The following RBM28 variants were observed in gnomAD, a reference collection of about 807,000 sequenced individuals.
RBM28 encodes the protein RNA-binding protein 28.
A neutral mutation model predicts 98.3 loss-of-function variants in RBM28; 78 were observed. That is an observed-to-expected ratio of 0.79 (90% CI 0.66 to 0.96). The LOEUF (loss-of-function observed/expected upper bound fraction) is 0.96. Among genes scored for constraint, RBM28 ranks in the 40% least tolerant of loss-of-function variants. The probability of loss-of-function intolerance (pLI) is 0.00; values close to 1 mark genes in which losing one functional copy is unlikely to be tolerated. For synonymous variants in RBM28, 306 were observed against 330.9 expected (o/e 0.92, Z 0.82); for missense variants, 838 against 913.0 (o/e 0.92, Z 1.06).
intron 17 of RBM28, 139 bp from the exon 18 acceptor site, chr7:128,313,413 A>G: frequency 1.2e-6 from 1 of 847,726 alleles, no homozygotes; most frequent in Non-Finnish European, 2.0e-6. Context: ...GACCCTCTGA[A>G]AGCTCAACAT....
intron 10 of RBM28, among the ~76,000 whole-genome samples, chr7:128,329,807 T>C (rs908585515): frequency 7.1e-6 from 1 of 141,132 alleles, no homozygotes; most frequent in African/African-American, 2.7e-5. Flanking sequence ...GAGAATGGCG[T>C]GAACCCAGGA....
rs1445007187 is a variant in RBM28, at chr7:128,305,162, A to G, written c.*5635T>C. ...GCAACAAGAATGAAACTCTGTCTCA[A>G]AAAAAAAAAAAAAAAAAGAAAGTTC... is the stretch of plus-strand genomic sequence containing the variant. On this transcript the variant is annotated 3_prime_UTR_variant, in exon 19 of 19. Transcript: ENST00000223073. 1.8e-5 allele frequency: 1 copy of G among 56,492 alleles called. No individual in the cohort carries two copies. Among genetic ancestry groups the G allele is most frequent in the African/African-American group, 4.7e-5 (1 of 21,228 alleles). 3.5% of individuals were successfully genotyped at this position (56,492 alleles called of 1,614,324 possible). A position where few individuals can be genotyped will look rare whatever the true frequency, so the allele number is the denominator to read the frequency against.
In RBM28 at chr7:128,306,231, C is replaced by T. The variant is rs564300890; in HGVS notation, c.*4566G>A. The T allele has an allele frequency of 8.5e-5, 13 of 152,366 alleles. No individual in the cohort carries two copies. Among genetic ancestry groups the T allele is most frequent in the African/African-American group, 2.9e-4 (12 of 41,564 alleles). The allele number at this position is 152,366 out of a possible 1,614,324, so 9.4% of individuals were successfully genotyped here. A position where few individuals can be genotyped will look rare whatever the true frequency, so the allele number is the denominator to read the frequency against. On this transcript the variant is annotated 3_prime_UTR_variant, in exon 19 of 19. Transcript: ENST00000223073. The stretch of plus-strand genomic sequence containing the variant: ...GGAGATGTTGGGCCTTGAGCCAGAA[C>T]TTGAGTGCTGGATAACACTTGAGTG...
rs749883076 is a variant in RBM28, at chr7:128,325,779, G to A, written c.1203+39C>T. The A allele has an allele frequency of 1.5e-5, 22 of 1,494,530 alleles. No homozygotes were observed. The East Asian group carries it at 5.0e-4, about 34-fold the overall frequency. 92.6% of individuals were successfully genotyped at this position (1,494,530 alleles called of 1,614,324 possible). On this transcript the variant is annotated intron_variant, in intron 11 of 18. Coordinates refer to ENST00000223073, the MANE Select transcript of RBM28 (RefSeq NM_018077.3). Reference sequence around the variant, plus strand: ...AGATGTTGCCCCTAAGAGCCAAACTGCCTCCTGTGTTATAAGGTAAAGGAA... The same window carrying A: ...AGATGTTGCCCCTAAGAGCCAAACTACCTCCTGTGTTATAAGGTAAAGGAA...
At chr7:128,322,514 A>G (rs924997250) in intron 13 of RBM28, among the ~76,000 whole-genome samples, 3 of 152,344 alleles carry the variant, frequency 2.0e-5, no homozygotes, top group African/African-American at 7.2e-5. Context: ...GAAAACGACT[A>G]TTAAAGGAAC....
At chr7:128,319,212 A>G (rs2116334959) in intron 14 of RBM28, among the ~76,000 whole-genome samples, 1 of 152,326 alleles carries the variant, frequency 6.6e-6, no homozygotes. Flanking sequence ...TAGAACTGTC[A>G]TACACTGTAA....
In RBM28 at chr7:128,325,853, G is replaced by T. The variant is rs1451134384; in HGVS notation, c.1168C>A (p.Gln390Lys). The stretch of plus-strand genomic sequence containing the variant: ...GGAGAAGCAGCTAGAAGGCATTTCT[G>T]AGCTGCTTCTTGAGTCATGAACTGG... ...FAQFMTQEAA[Q>K]KCLLAASPEN... The change falls in exon 11 of 19, where the codon CAG (glutamine) becomes AAG (lysine). Residue 390 changes from glutamine to lysine, a missense_variant. Coordinates refer to ENST00000223073, the MANE Select transcript of RBM28 (RefSeq NM_018077.3). 6.2e-7 allele frequency: 1 copy of T among 1,613,556 alleles called. No homozygotes were observed. The highest frequency in any genetic ancestry group is 1.7e-5 in the Admixed American group (1 of 60,000).
intron 9 of RBM28, 145 bp from the exon 10 acceptor site, chr7:128,331,073 T>C (rs1048475430): frequency 2.9e-6 from 2 of 682,066 alleles, no homozygotes; most frequent in Admixed American, 2.2e-5. Flanking sequence ...CAGTGACCCT[T>C]GGCCCCAACT....
intron 17 of RBM28, 109 bp from the exon 18 acceptor site, chr7:128,313,383 T>C: frequency 9.6e-7 from 1 of 1,046,862 alleles, no homozygotes; most frequent in South Asian, 1.3e-5. Flanking sequence ...GAAGTCATTC[T>C]AAAAAGGGAT....
chr7:128,324,533 A>G, intron 12 of RBM28, 26 bp downstream of exon 12: 2 of 1,614,148 alleles, frequency 1.2e-6, no homozygotes, highest in Non-Finnish European at 1.7e-6. Flanking sequence ...GGTACTTAGA[A>G]GTGTGGGTTA....
chr7:128,311,478 C>G (rs1425827737), intron 18 of RBM28, among the ~76,000 whole-genome samples: 2 of 152,152 alleles, frequency 1.3e-5, no homozygotes, highest in African/African-American at 4.8e-5. Flanking sequence ...CTAAAAGGAA[C>G]TAAGGCTCCT....
intron 11 of RBM28, 75 bp from the exon 12 acceptor site, chr7:128,324,769 T>G: frequency 6.2e-7 from 1 of 1,601,414 alleles, no homozygotes; most frequent in Non-Finnish European, 8.5e-7. Flanking sequence ...AACCGAGCAC[T>G]TTGGGAGGCT....
chr7:128,323,856 T>G (rs541835788), intron 12 of RBM28, among the ~76,000 whole-genome samples: 1 of 152,336 alleles, frequency 6.6e-6, no homozygotes, highest in East Asian at 1.9e-4. Context: ...TTCACGTACA[T>G]GCCCAAAGTC....
chr7:128,332,571 T>G (rs1562956842), intron 9 of RBM28, among the ~76,000 whole-genome samples: 1 of 152,050 alleles, frequency 6.6e-6, no homozygotes, highest in African/African-American at 2.4e-5. Context: ...GCCAGGCTGG[T>G]CTCGAATTGC....
At chr7:128,319,272 C>A (rs1341940946) in intron 14 of RBM28, among the ~76,000 whole-genome samples, 5 of 152,116 alleles carry the variant, frequency 3.3e-5, no homozygotes, top group Non-Finnish European at 7.4e-5. Context: ...AGATGCTTAC[C>A]ATCTTACTGA....
intron 1 of RBM28, among the ~76,000 whole-genome samples, chr7:128,340,888 T>A (rs948085406): frequency 6.6e-6 from 1 of 152,222 alleles, no homozygotes; most frequent in African/African-American, 2.4e-5. Flanking sequence ...AGTAAGTGAA[T>A]TGGTTAATGT....
chr7:128,328,100 G>A (rs1457959053), intron 10 of RBM28, among the ~76,000 whole-genome samples: 4 of 152,070 alleles, frequency 2.6e-5, no homozygotes, highest in African/African-American at 9.7e-5. Flanking sequence ...GCACTACTCA[G>A]GTGACATCTT....
At chr7:128,332,088 C>T (rs1335715461) in intron 9 of RBM28, among the ~76,000 whole-genome samples, 1 of 152,148 alleles carries the variant, frequency 6.6e-6, no homozygotes, top group Non-Finnish European at 1.5e-5. Flanking sequence ...ACATTTCTTC[C>T]TTCCTGTTAG....
At chr7:128,334,247 T>A (rs1321379161) in intron 8 of RBM28, among the ~76,000 whole-genome samples, 1 of 152,248 alleles carries the variant, frequency 6.6e-6, no homozygotes, top group African/African-American at 2.4e-5. Flanking sequence ...CAACAGTGAT[T>A]ACTTCAGGGA....
Sources: gnomAD v4.1 joint callset for allele counts (sites outside exome capture counted in the v4.1 genomes callset) on GRCh38, gnomAD v4.1.1 for gene constraint, MANE v1.5 for transcripts, NCBI Gene and HGNC (gene_info 2026-07-23, HGNC 2026-07-21) for gene names.